Variants in ABTB2 observed in about 807,000 individuals in gnomAD.
ABTB2 encodes the protein ankyrin repeat and BTB/POZ domain-containing protein 2.
In ABTB2, 56 loss-of-function variants were observed where a neutral mutation model predicts 104.1. The ratio of observed to expected loss-of-function variants is 0.54; its 90% CI spans 0.43 to 0.67. The LOEUF is 0.67. Among genes scored for constraint, ABTB2 ranks in the 30% least tolerant of loss-of-function variants. The pLI, the probability that ABTB2 is intolerant of heterozygous loss-of-function variation, is 0.00. For synonymous variants in ABTB2, 606 were observed against 608.2 expected (o/e 1.00, Z 0.05); for missense variants, 1,279 against 1,407.7 (o/e 0.91, Z 1.46).
chr11:34,357,133 C>T lies in ABTB2; in HGVS notation c.451G>A (p.Ala151Thr). 4 of 1,503,438 alleles carry T rather than the reference C, an allele frequency of 2.7e-6. 1 individual carries two copies. The South Asian group carries it at 3.8e-5, about 14-fold the overall frequency. 93.1% of individuals were successfully genotyped at this position (1,503,438 alleles called of 1,614,324 possible). A position where few individuals can be genotyped will look rare whatever the true frequency, so the allele number is the denominator to read the frequency against. Residue 151 changes from alanine to threonine, a missense_variant, in exon 1 of 17, where the codon GCC (alanine) becomes ACC (threonine). Ala to Thr is a moderately conservative substitution (Grantham distance 58). Coordinates refer to ENST00000435224, the MANE Select transcript of ABTB2 (RefSeq NM_145804.3). ...REAQRLSVLH[A>T]KCTRFEVQSA... Reference sequence around the variant, plus strand: ...TGCACCTCAAAGCGGGTGCACTTGGCGTGCAGCACGCTCAGGCGCTGCGCC... The same window carrying T: ...TGCACCTCAAAGCGGGTGCACTTGGTGTGCAGCACGCTCAGGCGCTGCGCC...
chr11:34,162,749 G>A lies in ABTB2; in HGVS notation c.2045C>T (p.Ser682Phe). Residue 682 changes from serine (S) to phenylalanine (F), a missense_variant, in exon 10 of 17, where the codon TCC becomes TTC. Ser to Phe is a radical substitution (Grantham distance 155). Coordinates refer to ENST00000435224, the MANE Select transcript of ABTB2 (RefSeq NM_145804.3). ...ACCCTCGGCCAGGATCTCCTCCAGG[G>A]ACAGCACGTCCGCTTTAGCCTGCTG... Reference protein sequence around the residue: ...QPQQAKADVLSLEEILAEGVE... With the variant: ...QPQQAKADVLFLEEILAEGVE... 6.2e-7 allele frequency: 1 copy of A among 1,610,368 alleles called. No individual in the cohort carries two copies. The highest frequency in any genetic ancestry group is 1.1e-5 in the South Asian group (1 of 91,088).
At chr11:34,270,464 C>T (rs367779468) in intron 1 of ABTB2, among the ~76,000 whole-genome samples, 16 of 152,092 alleles carry the variant, frequency 1.1e-4, no homozygotes, top group East Asian at 9.7e-4. Context: ...TTCAGCCTCC[C>T]GAGTAGCTGG....
At position 34,160,225 on chromosome 11, in the gene ABTB2, G is replaced by A. The variant is rs770836734; in HGVS notation, c.2503+23C>T. 5.1e-6 allele frequency: 8 copies of A among 1,573,786 alleles called. No homozygotes were observed. In the Admixed American group the frequency reaches 1.3e-4, roughly 26 times the overall value. On this transcript the variant is annotated intron_variant, in intron 12 of 16. Transcript: ENST00000435224. ...GAGGGGGAGGACGTGTGGTGATGCAGGGCGCAGGGGGCGCGCCTTCACCTA... is the reference window on the plus strand; with the variant it reads ...GAGGGGGAGGACGTGTGGTGATGCAAGGCGCAGGGGGCGCGCCTTCACCTA...
chr11:34,199,127 T>G (rs911575012), intron 2 of ABTB2, among the ~76,000 whole-genome samples: 21 of 152,360 alleles, frequency 1.4e-4, no homozygotes, highest in African/African-American at 4.8e-4. Flanking sequence ...GAATTCACCT[T>G]ACACATTCAT....
intron 1 of ABTB2, among the ~76,000 whole-genome samples, chr11:34,274,738 C>T (rs1854364199): frequency 6.6e-6 from 1 of 152,094 alleles, no homozygotes; most frequent in South Asian, 2.1e-4. Context: ...AATGGTTCTG[C>T]AGAACCCTGT....
intron 1 of ABTB2, among the ~76,000 whole-genome samples, chr11:34,223,954 C>G (rs1225688824): frequency 1.3e-5 from 2 of 152,182 alleles, no homozygotes; most frequent in African/African-American, 4.8e-5. Context: ...CCCAGGACCT[C>G]ACGTACAACT....
At chr11:34,175,866 A>T (rs1437411437) in intron 3 of ABTB2, among the ~76,000 whole-genome samples, 3 of 152,134 alleles carry the variant, frequency 2.0e-5, no homozygotes, top group Admixed American at 1.3e-4. Context: ...GCCTGCTCCC[A>T]TCTATGCATG....
At chr11:34,199,426 C>T (rs917868656) in intron 2 of ABTB2, among the ~76,000 whole-genome samples, 8 of 152,192 alleles carry the variant, frequency 5.3e-5, no homozygotes, top group African/African-American at 1.9e-4. Flanking sequence ...GTTACTGACA[C>T]CTGGTTTCCA....
intron 1 of ABTB2, among the ~76,000 whole-genome samples, chr11:34,339,013 A>G (rs1378770622): frequency 6.6e-5 from 10 of 152,184 alleles, no homozygotes; most frequent in Admixed American, 2.6e-4. Flanking sequence ...TGCAGGTAAA[A>G]CATTGTAACA....
intron 1 of ABTB2, among the ~76,000 whole-genome samples, chr11:34,221,189 T>C (rs1051556678): frequency 2.6e-5 from 4 of 152,146 alleles, no homozygotes; most frequent in Admixed American, 2.0e-4. Context: ...GCCAGGCTGG[T>C]CTCGAACTCT....
At chr11:34,208,412 A>G (rs1853435870) in intron 1 of ABTB2, among the ~76,000 whole-genome samples, 1 of 152,198 alleles carries the variant, frequency 6.6e-6, no homozygotes, top group Non-Finnish European at 1.5e-5. Context: ...TGTAAAAGCC[A>G]CGGAGGGAAC....
At chr11:34,236,575 C>T (rs546125062) in intron 1 of ABTB2, among the ~76,000 whole-genome samples, 3 of 152,152 alleles carry the variant, frequency 2.0e-5, no homozygotes, top group Non-Finnish European at 4.4e-5. Context: ...TCTTTTGATG[C>T]CTCCCCGGCA....
At position 34,199,541 on chromosome 11, in the gene ABTB2, A is replaced by G. The variant is rs369410064; in HGVS notation, c.1031-2003T>C. Among the ~76,000 whole-genome samples the G allele has an allele frequency of 7.9e-5, 12 of 152,330 alleles. No homozygotes were observed. In the East Asian group the frequency reaches 2.3e-3, roughly 29 times the overall value. On this transcript the variant is annotated intron_variant, in intron 2 of 16. Coordinates refer to ENST00000435224, the MANE Select transcript of ABTB2 (RefSeq NM_145804.3). ...TGTCCACTCAGGTTTGAAAATCACCAGGTGAACTGATAGATTGATTCAAGT... is the reference window on the plus strand; with the variant it reads ...TGTCCACTCAGGTTTGAAAATCACCGGGTGAACTGATAGATTGATTCAAGT...
intron 1 of ABTB2, among the ~76,000 whole-genome samples, chr11:34,287,500 G>C (rs1316430189): frequency 6.6e-6 from 1 of 152,144 alleles, no homozygotes; most frequent in Admixed American, 6.5e-5. Context: ...AGTGAGCTAA[G>C]AGCACACCAG....
At chr11:34,175,349 T>C (rs1014001941) in intron 3 of ABTB2, among the ~76,000 whole-genome samples, 4 of 152,242 alleles carry the variant, frequency 2.6e-5, no homozygotes, top group Non-Finnish European at 5.9e-5. Flanking sequence ...ACCTACTGAA[T>C]AGCCTACCTT....
At chr11:34,223,559 G>A (rs1853652188) in intron 1 of ABTB2, among the ~76,000 whole-genome samples, 1 of 152,184 alleles carries the variant, frequency 6.6e-6, no homozygotes, top group African/African-American at 2.4e-5. Flanking sequence ...CTCTGCATGG[G>A]GTGTTGCTCC....
chr11:34,196,472 T>C (rs1300560788), intron 3 of ABTB2, among the ~76,000 whole-genome samples: 5 of 152,194 alleles, frequency 3.3e-5, no homozygotes, highest in Non-Finnish European at 5.9e-5. Context: ...GAGAATGGCG[T>C]GAACCTTGGA....
chr11:34,305,734 A>C (rs1314866266), intron 1 of ABTB2, among the ~76,000 whole-genome samples: 1 of 152,210 alleles, frequency 6.6e-6, no homozygotes, highest in African/African-American at 2.4e-5. Context: ...GAGAAATAGA[A>C]AGGATAGTGC....
intron 1 of ABTB2, among the ~76,000 whole-genome samples, chr11:34,334,288 C>T (rs974584589): frequency 1.3e-5 from 2 of 152,164 alleles, no homozygotes; most frequent in Non-Finnish European, 2.9e-5. Context: ...CCTGCCCCAA[C>T]CTAAGAATCC....
Sources: allele counts gnomAD v4.1 joint callset (sites outside exome capture counted in the v4.1 genomes callset), GRCh38; gene constraint gnomAD v4.1.1; transcripts MANE v1.5; gene names NCBI Gene and HGNC (gene_info 2026-07-23, HGNC 2026-07-21).